The following OPA1 variants were observed in gnomAD, a reference collection of about 807,000 sequenced individuals.
OPA1 encodes OPA1 mitochondrial dynamin like GTPase.
In OPA1, 59 loss-of-function variants were observed where a neutral mutation model predicts 152.9. That is an observed-to-expected ratio of 0.39 (90% CI 0.31 to 0.48). OPA1 has a LOEUF of 0.48. Among genes scored for constraint, OPA1 ranks in the 20% least tolerant of loss-of-function variants. OPA1 has a pLI of 0.96. For synonymous variants in OPA1, 400 were observed against 389.9 expected (o/e 1.03, Z -0.31); for missense variants, 1,008 against 1,216.8 (o/e 0.83, Z 2.55).
rs116977448 is a variant in OPA1 at position 193,639,707 on chromosome 3, A to G, written c.1149+1642A>G. On this transcript the variant is annotated intron_variant, in intron 11 of 30. Transcript: ENST00000361510. ...GAAAGCCAGTGCAGGATTTCGAGCA[A>G]AGTAACAAAAGTGCCTTTTAAAAGG... 2.8e-3 allele frequency among the ~76,000 whole-genome samples: 431 copies of G among 152,370 alleles called. 3 individuals carry two copies. The highest frequency in any genetic ancestry group is 0.017 in the South Asian group (82 of 4,828).
intron 29 of OPA1, among the ~76,000 whole-genome samples, chr3:193,670,316 A>C (rs1476936894): frequency 1.3e-5 from 2 of 152,036 alleles, no homozygotes; most frequent in East Asian, 3.9e-4. Flanking sequence ...ATGTTGATGC[A>C]TTCATATTTT....
At chr3:193,614,564 C>T (rs1043050135) in intron 1 of OPA1, among the ~76,000 whole-genome samples, 159 bp from the exon 2 acceptor site, 21 of 152,208 alleles carry the variant, frequency 1.4e-4, no homozygotes, top group African/African-American at 5.1e-4. Context: ...GTAACCATGT[C>T]TGGCACATAG....
At chr3:193,657,291 A>T in intron 23 of OPA1, 59 bp downstream of exon 23, 1 of 1,504,118 alleles carries the variant, frequency 6.6e-7, no homozygotes, top group Non-Finnish European at 9.2e-7. Flanking sequence ...TCTCAAATTG[A>T]TACTTTTTCA....
At chr3:193,679,310 A>G (rs1325642193) in intron 29 of OPA1, among the ~76,000 whole-genome samples, 1 of 143,500 alleles carries the variant, frequency 7.0e-6, no homozygotes, top group Admixed American at 6.9e-5. Flanking sequence ...AAAGAGAAAG[A>G]GAGGGAGGGA....
At chr3:193,668,371 G>A (rs748387764) in intron 29 of OPA1, 18 of 1,550,754 alleles carry the variant, frequency 1.2e-5, no homozygotes, top group East Asian at 9.8e-5. Flanking sequence ...ACCACATGGC[G>A]CCGCACCCAG....
At chr3:193,668,512 C>A in intron 29 of OPA1, 1 of 1,549,852 alleles carries the variant, frequency 6.5e-7, no homozygotes, top group Non-Finnish European at 8.7e-7. Flanking sequence ...CCTTCCCACC[C>A]GCTAGCCTCT....
At chr3:193,637,872 CAG>C (rs1429598961) in intron 10 of OPA1, 78 bp from the exon 11 acceptor site, 1 of 1,158,276 alleles carries the variant, frequency 8.6e-7, no homozygotes, top group Non-Finnish European at 1.3e-6. Flanking sequence ...CTAAAAAACT[CAG>C]AGCAGCATTA....
intron 26 of OPA1, among the ~76,000 whole-genome samples, chr3:193,664,280 A>T (rs1218956603): frequency 1.3e-5 from 2 of 152,024 alleles, no homozygotes; most frequent in Non-Finnish European, 2.9e-5. Flanking sequence ...TTAATAATTG[A>T]TACCACTTTT....
At chr3:193,593,441 T>C (rs371803883) in intron 1 of OPA1, 32 bp downstream of exon 1, 1 of 1,510,228 alleles carries the variant, frequency 6.6e-7, no homozygotes, top group African/African-American at 1.4e-5. Flanking sequence ...GCCCCGTTAA[T>C]TCTGGGGCCT....
chr3:193,680,610 T>C (rs954489506), intron 29 of OPA1, among the ~76,000 whole-genome samples: 4 of 152,194 alleles, frequency 2.6e-5, no homozygotes, highest in African/African-American at 4.8e-5. Context: ...CCTGGGTGGT[T>C]TTCCTTTTCT....
intron 11 of OPA1, 32 bp from the exon 12 acceptor site, chr3:193,642,733 A>G (rs369495505): frequency 1.4e-5 from 21 of 1,460,998 alleles, no homozygotes; most frequent in African/African-American, 2.8e-5. Context: ...TTATAAATAC[A>G]TCATTACCTC....
intron 29 of OPA1, among the ~76,000 whole-genome samples, chr3:193,679,806 T>C (rs1167182494): frequency 6.6e-6 from 1 of 152,228 alleles, no homozygotes; most frequent in Admixed American, 6.5e-5. Context: ...TTTATAAATC[T>C]ATGTATGCTC....
intron 25 of OPA1, among the ~76,000 whole-genome samples, chr3:193,659,916 CA>C (rs1714820736): frequency 8.2e-6 from 1 of 121,708 alleles, no homozygotes; most frequent in Non-Finnish European, 1.8e-5. Flanking sequence ...GAGGCCAAGT[CA>C]GAGGAATCGC....
chr3:193,682,629 A>G (rs1720333150), intron 29 of OPA1, among the ~76,000 whole-genome samples: 1 of 152,088 alleles, frequency 6.6e-6, no homozygotes, highest in African/African-American at 2.4e-5. Flanking sequence ...TGAAAATCCT[A>G]GGGCCCTTAA....
rs1734013254 is a variant in OPA1, at chr3:193,643,016, A to G, written c.1272A>G (p.Lys424=). The G allele has an allele frequency of 6.2e-7, 1 of 1,614,028 alleles. No homozygotes were observed. Among genetic ancestry groups the G allele is most frequent in the African/African-American group, 1.3e-5 (1 of 75,068 alleles). Residue 424 remains lysine (K), a synonymous_variant, in exon 13 of 31, where the codon AAA becomes AAG. Transcript: ENST00000361510. ...LRHEIELRMR[K]NVKEGCTVSP... ...ATGAAATAGAACTTCGAATGAGGAA[A>G]AATGTGAAAGAAGGCTGTACCGTTA...
intron 27 of OPA1, 106 bp from the exon 28 acceptor site, chr3:193,666,190 T>C: frequency 5.3e-6 from 5 of 946,914 alleles, no homozygotes; most frequent in Non-Finnish European, 8.5e-6. Flanking sequence ...TCTGAGTACT[T>C]TTTAAGCTTA....
At chr3:193,687,678 A>G (rs543990681) in intron 29 of OPA1, among the ~76,000 whole-genome samples, 1 of 152,306 alleles carries the variant, frequency 6.6e-6, no homozygotes, top group African/African-American at 2.4e-5. Context: ...CCAACATTTA[A>G]CTTCATTGTT....
chr3:193,668,723 G>T lies in OPA1; in HGVS notation c.2983+1443G>T, dbSNP rs1203542922. 3.1e-6 allele frequency: 4 copies of T among 1,306,790 alleles called. No individual in the cohort carries two copies. In the East Asian group the frequency reaches 1.5e-4, roughly 49 times the overall value. 80.9% of individuals were successfully genotyped at this position (1,306,790 alleles called of 1,614,324 possible). A position where few individuals can be genotyped will look rare whatever the true frequency, so the allele number is the denominator to read the frequency against. On this transcript the variant is annotated intron_variant, in intron 29 of 30. Coordinates refer to ENST00000361510, the MANE Select transcript of OPA1 (RefSeq NM_130837.3). Reference sequence around the variant, plus strand: ...GGTCAGGCATTAACACCTGCAGTAGGCTACCATGGCTTCCCCTTCCCACCC... The same window carrying T: ...GGTCAGGCATTAACACCTGCAGTAGTCTACCATGGCTTCCCCTTCCCACCC...
intron 10 of OPA1, 142 bp from the exon 11 acceptor site, chr3:193,637,810 C>A: frequency 1.4e-6 from 1 of 730,990 alleles, no homozygotes; most frequent in South Asian, 1.6e-5. Flanking sequence ...CATCAATCAC[C>A]ATTTTTTTAC....
Sources: allele counts gnomAD v4.1 joint callset (sites outside exome capture counted in the v4.1 genomes callset), GRCh38; gene constraint gnomAD v4.1.1; transcripts MANE v1.5; gene names NCBI Gene and HGNC (gene_info 2026-07-23, HGNC 2026-07-21).